The following NOMO3 variants were observed in gnomAD, a reference collection of about 807,000 sequenced individuals.
NOMO3 encodes BOS complex subunit NOMO3.
In NOMO3, 15 loss-of-function variants were observed where a neutral mutation model predicts 69.9. The observed-to-expected ratio is 0.21, with a 90% CI of 0.14 to 0.33. The LOEUF is 0.33. Among genes scored for constraint, NOMO3 ranks in the 10% least tolerant of loss-of-function variants. NOMO3 has a pLI of 1.00. For synonymous variants in NOMO3, 89 were observed against 301.9 expected (o/e 0.29, Z 7.31); for missense variants, 218 against 761.0 (o/e 0.29, Z 8.39).
rs2141254217 is a variant in NOMO3 at position 16,254,409 on chromosome 16, A to G, written c.964-1311A>G. Among the ~76,000 whole-genome samples, 2 of 143,118 alleles carry G rather than the reference A, an allele frequency of 1.4e-5. 1 individual carries two copies. The highest frequency in any genetic ancestry group is 4.5e-4 in the East Asian group (2 of 4,456). The allele number at this position is 143,118 out of a possible 152,430, so 93.9% of individuals were successfully genotyped here. On this transcript the variant is annotated intron_variant, in intron 9 of 30. Coordinates refer to ENST00000399336, the MANE Select transcript of NOMO3 (RefSeq NM_001004067.4). ...AAGTAGGTAATGCATGGAATGAAAC[A>G]TGTCTTTTTGGAAAGATCAATAAGG...
chr16:16,240,741 G>A (rs2049368134), intron 3 of NOMO3, among the ~76,000 whole-genome samples: 1 of 143,554 alleles, frequency 7.0e-6, no homozygotes, highest in East Asian at 2.3e-4. Context: ...AGGGATCACC[G>A]TTGTTGATAT....
Position 16,268,564 on chromosome 16 carries a change from C to T in NOMO3, c.1894+1433C>T, listed in dbSNP as rs1479531808. ...TGATCTTAGCTCCTGTGTAACCCAG[C>T]CCTGTCTGCCACTGTCTCTACTCCA... On this transcript the variant is annotated intron_variant, in intron 16 of 30. Transcript: ENST00000399336. 2.8e-5 allele frequency among the ~76,000 whole-genome samples: 4 copies of T among 143,192 alleles called. 2 individuals carry two copies. The highest frequency in any genetic ancestry group is 1.2e-4 in the African/African-American group (4 of 34,502). The allele number at this position is 143,192 out of a possible 152,430, so 93.9% of individuals were successfully genotyped here. A position where few individuals can be genotyped will look rare whatever the true frequency, so the allele number is the denominator to read the frequency against.
rs1400135790 is a variant in NOMO3 at position 16,236,494 on chromosome 16, C to G, written c.166-407C>G. ...AATTCCTGACCTTAAGTGATCTGCC[C>G]ACCTCACCCTCCTGAAGTGCTGGGA... On this transcript the variant is annotated intron_variant, in intron 1 of 30. Transcript: ENST00000399336. Among the ~76,000 whole-genome samples the G allele has an allele frequency of 1.5e-4, 22 of 144,042 alleles. 2 individuals are homozygous for G. The highest frequency in any genetic ancestry group is 1.5e-3 in the Admixed American group (22 of 14,784). 94.5% of individuals were successfully genotyped at this position (144,042 alleles called of 152,430 possible).
At chr16:16,240,759 G>A (rs2049368222) in intron 3 of NOMO3, among the ~76,000 whole-genome samples, 1 of 143,468 alleles carries the variant, frequency 7.0e-6, no homozygotes, top group African/African-American at 2.8e-5. Flanking sequence ...TATCAGGCTT[G>A]CTCGTGCATT....
At chr16:16,245,976 AT>A (rs1301324858) in intron 5 of NOMO3, among the ~76,000 whole-genome samples, 3 of 81,118 alleles carry the variant, frequency 3.7e-5, no homozygotes, top group Admixed American at 1.4e-4. Context: ...AATTAATATT[AT>A]TACTTCAAGC....
At position 16,268,255 on chromosome 16, in the gene NOMO3, A is replaced by G. The variant is rs78222883; in HGVS notation, c.1894+1124A>G. Reference sequence around the variant, plus strand: ...TTTCGTTTTTCTTGTTTCGATACCTAGGAATGGAATTGCTGCATTGTGTGA... The same window carrying G: ...TTTCGTTTTTCTTGTTTCGATACCTGGGAATGGAATTGCTGCATTGTGTGA... On this transcript the variant is annotated intron_variant, in intron 16 of 30. Transcript: ENST00000399336. Among the ~76,000 whole-genome samples, 18 of 143,070 alleles carry G rather than the reference A, an allele frequency of 1.3e-4. 3 individuals are homozygous for G. Among genetic ancestry groups the G allele is most frequent in the South Asian group, 4.4e-4 (2 of 4,534 alleles). The allele number at this position is 143,070 out of a possible 152,430, so 93.9% of individuals were successfully genotyped here.
At chr16:16,268,398 A>G (rs1473945607) in intron 16 of NOMO3, among the ~76,000 whole-genome samples, 2 of 145,880 alleles carry the variant, frequency 1.4e-5, no homozygotes, top group East Asian at 2.2e-4. Context: ...CTTCGCCAAC[A>G]TTTGTTATTG....
At chr16:16,265,637 GATATATATATATATATATAT>G (rs1160088009) in intron 15 of NOMO3, among the ~76,000 whole-genome samples, 4 of 42,378 alleles carry the variant, frequency 9.4e-5, no homozygotes, top group South Asian at 1.3e-3. Context: ...GAGTTTCTCT[GATATATATATATATATATAT>G]ATATATATAT....
rs1231238206 is a variant in NOMO3, at chr16:16,250,230, C to T, written c.583-698C>T. Among the ~76,000 whole-genome samples, 3 of 144,618 alleles carry T rather than the reference C, an allele frequency of 2.1e-5. 1 individual carries two copies. Among genetic ancestry groups the T allele is most frequent in the Non-Finnish European group, 3.0e-5 (2 of 67,646 alleles). The allele number at this position is 144,618 out of a possible 152,430, so 94.9% of individuals were successfully genotyped here. On this transcript the variant is annotated intron_variant, in intron 6 of 30. Coordinates refer to ENST00000399336, the MANE Select transcript of NOMO3 (RefSeq NM_001004067.4). ...TTGAATTGGGTGAGACTTGGCAACA[C>T]GTAAGAGAAACCTTTAGGCCAAACT...
At chr16:16,261,432 T>C in intron 11 of NOMO3, 70 bp from the exon 12 acceptor site, 1 of 1,545,810 alleles carries the variant, frequency 6.5e-7, no homozygotes. Context: ...CTGCATCTTT[T>C]TTGGTCGATA....
intron 4 of NOMO3, among the ~76,000 whole-genome samples, chr16:16,243,964 T>C (rs1187767304): frequency 1.4e-5 from 2 of 144,768 alleles, no homozygotes; most frequent in Non-Finnish European, 3.0e-5. Context: ...CATCTGCTTC[T>C]GACACTTACG....
intron 15 of NOMO3, among the ~76,000 whole-genome samples, chr16:16,265,637 GATAT>G (rs1160088009): frequency 3.4e-3 from 145 of 42,274 alleles, no homozygotes; most frequent in East Asian, 6.2e-3. Context: ...GAGTTTCTCT[GATAT>G]ATATATATAT....
intron 11 of NOMO3, among the ~76,000 whole-genome samples, chr16:16,257,319 A>G (rs1405259601): frequency 7.2e-6 from 1 of 138,500 alleles, no homozygotes; most frequent in African/African-American, 3.1e-5. Flanking sequence ...TGAAGGGGAC[A>G]GGACTTGGGC....
At chr16:16,265,517 C>T (rs1457029157) in intron 15 of NOMO3, among the ~76,000 whole-genome samples, 2 of 135,346 alleles carry the variant, frequency 1.5e-5, no homozygotes, top group Non-Finnish European at 3.0e-5. Flanking sequence ...CCTCAGTTTT[C>T]ACCGAAAATT....
Position 16,239,105 on chromosome 16 carries a change from A to T in NOMO3, c.256-746A>T, listed in dbSNP as rs531219969. Among the ~76,000 whole-genome samples the T allele has an allele frequency of 2.9e-4, 42 of 142,790 alleles. 3 individuals are homozygous for T. The highest frequency in any genetic ancestry group is 1.1e-3 in the African/African-American group (38 of 35,112). The allele number at this position is 142,790 out of a possible 152,430, so 93.7% of individuals were successfully genotyped here. A position where few individuals can be genotyped will look rare whatever the true frequency, so the allele number is the denominator to read the frequency against. On this transcript the variant is annotated intron_variant, in intron 2 of 30. Coordinates refer to ENST00000399336, the MANE Select transcript of NOMO3 (RefSeq NM_001004067.4). ...AAAAAAAAAACTAAAACAAAAACAG[A>T]AACCAGGGTTGATAAGTAAAATCTA...
chr16:16,268,822 G>C (rs1830256166), intron 16 of NOMO3, among the ~76,000 whole-genome samples: 1 of 143,856 alleles, frequency 7.0e-6, no homozygotes, highest in Non-Finnish European at 1.5e-5. Flanking sequence ...GCTGTGGTTA[G>C]AAAACTTATG....
chr16:16,265,668 A>ATGT (rs1462635090), intron 15 of NOMO3, among the ~76,000 whole-genome samples: 1 of 24,906 alleles, frequency 4.0e-5, no homozygotes, highest in Non-Finnish European at 6.2e-5. Context: ...ATATATATAT[A>ATGT]TATTTTTTTT....
At chr16:16,266,776 CT>C in intron 15 of NOMO3, 4 of 505,546 alleles carry the variant, frequency 7.9e-6, no homozygotes, top group Non-Finnish European at 1.4e-5. Flanking sequence ...AACATAAGCC[CT>C]GTGAGAGCAG....
intron 11 of NOMO3, among the ~76,000 whole-genome samples, chr16:16,260,405 G>C (rs1277638228): frequency 7.1e-6 from 1 of 140,628 alleles, no homozygotes; most frequent in African/African-American, 3.0e-5. Context: ...ACAAACGGGA[G>C]GGGGGTCCTT....
Sources: allele counts gnomAD v4.1 joint callset (sites outside exome capture counted in the v4.1 genomes callset), GRCh38; gene constraint gnomAD v4.1.1; transcripts MANE v1.5; gene names NCBI Gene and HGNC (gene_info 2026-07-23, HGNC 2026-07-21).